Variants in GALNT10 observed in about 807,000 individuals in gnomAD.
GALNT10 encodes polypeptide N-acetylgalactosaminyltransferase 10, also known as GalNAc transferase 10.
A neutral mutation model predicts 75.0 loss-of-function variants in GALNT10; 41 were observed. The observed-to-expected ratio is 0.55, with a 90% confidence interval of 0.43 to 0.71. GALNT10 has a LOEUF of 0.71. GALNT10 is among the 30% of genes least tolerant of loss of function. The probability of loss-of-function intolerance (pLI) is 0.00; values close to 1 mark genes in which losing one functional copy is unlikely to be tolerated. For synonymous variants in GALNT10, 302 were observed against 313.0 expected, an observed-to-expected ratio of 0.96 and a Z score of 0.37; for missense variants, 727 against 818.5, an observed-to-expected ratio of 0.89 and a Z score of 1.36.
At chr5:154,368,458 G>C (rs756671766) in intron 4 of GALNT10, among the ~76,000 whole-genome samples, 6 of 152,146 alleles carry the variant, frequency 3.9e-5, no homozygotes, top group African/African-American at 9.7e-5. Context: ...TTATCAAAAA[G>C]AAGAGGAGGA....
intron 6 of GALNT10, among the ~76,000 whole-genome samples, 156 bp downstream of exon 6, chr5:154,380,787 T>TAGCACCATCCCTCCCAGC (rs1449012975): frequency 6.6e-6 from 1 of 152,072 alleles, no homozygotes; most frequent in Non-Finnish European, 1.5e-5. Flanking sequence ...CCCCAGCCAG[T>TAGCACCATCCCTCCCAGC]AGCACCATCC....
At chr5:154,203,942 AG>A (rs1325848823) in intron 1 of GALNT10, among the ~76,000 whole-genome samples, 3 of 152,230 alleles carry the variant, frequency 2.0e-5, no homozygotes, top group Non-Finnish European at 2.9e-5. Flanking sequence ...TTGTAGTGTG[AG>A]GGTAGCCATA....
At chr5:154,385,221 T>C (rs1755791072) in intron 6 of GALNT10, among the ~76,000 whole-genome samples, 1 of 152,166 alleles carries the variant, frequency 6.6e-6, no homozygotes, top group Non-Finnish European at 1.5e-5. Context: ...TCTGATAGCT[T>C]TTCACACAGC....
At chr5:154,203,670 G>A (rs1000585257) in intron 1 of GALNT10, among the ~76,000 whole-genome samples, 1 of 152,188 alleles carries the variant, frequency 6.6e-6, no homozygotes, top group Non-Finnish European at 1.5e-5. Flanking sequence ...TGGCGTGAAT[G>A]TTATAGTGCC....
intron 4 of GALNT10, among the ~76,000 whole-genome samples, chr5:154,358,189 G>C (rs1755325502): frequency 6.6e-6 from 1 of 152,170 alleles, no homozygotes; most frequent in African/African-American, 2.4e-5. Flanking sequence ...CACAATTGGA[G>C]GCCTCGTCTG....
At chr5:154,296,772 T>G (rs1376738884) in intron 2 of GALNT10, among the ~76,000 whole-genome samples, 1 of 152,192 alleles carries the variant, frequency 6.6e-6, no homozygotes, top group Non-Finnish European at 1.5e-5. Flanking sequence ...CTTCTGAAGC[T>G]TCCCTCCCTG....
chr5:154,224,173 T>TA (rs1753026810), intron 1 of GALNT10, among the ~76,000 whole-genome samples: 1 of 152,174 alleles, frequency 6.6e-6, no homozygotes, highest in Non-Finnish European at 1.5e-5. Context: ...GGAAGTATTA[T>TA]AGAAGGTTGT....
intron 1 of GALNT10, among the ~76,000 whole-genome samples, chr5:154,278,768 G>C (rs1172558949): frequency 6.6e-6 from 1 of 152,100 alleles, no homozygotes; most frequent in Non-Finnish European, 1.5e-5. Flanking sequence ...GCCTATTCTA[G>C]GTACCTCATA....
At chr5:154,237,675 T>G (rs1388874780) in intron 1 of GALNT10, among the ~76,000 whole-genome samples, 1 of 152,254 alleles carries the variant, frequency 6.6e-6, no homozygotes, top group Non-Finnish European at 1.5e-5. Context: ...ACCTTGTTTT[T>G]GAGGAGCCCT....
In GALNT10 at chr5:154,263,564, T is replaced by G. The variant is rs538645116; in HGVS notation, c.160-31252T>G. On this transcript the variant is annotated intron_variant, in intron 1 of 11. Transcript: ENST00000297107. ...CTATATCAAAAGACCACAAACTAGATAGCTTATAAACAACAGAAATTTATT... is the reference window on the plus strand; with the variant it reads ...CTATATCAAAAGACCACAAACTAGAGAGCTTATAAACAACAGAAATTTATT... Among the ~76,000 whole-genome samples, 3 of 152,180 alleles carry G rather than the reference T, an allele frequency of 2.0e-5. No homozygotes were observed. In the East Asian group the frequency reaches 5.8e-4, roughly 29 times the overall value.
At chr5:154,262,983 A>G (rs574750) in intron 1 of GALNT10, among the ~76,000 whole-genome samples, 99,405 of 151,950 alleles carry the variant, frequency 0.65, 32,880 homozygotes, top group East Asian at 0.86. Flanking sequence ...AAAGCAATTT[A>G]GAGACAGACA....
At position 154,403,679 on chromosome 5, in the gene GALNT10, C is replaced by T. The variant is rs1756214071; in HGVS notation, c.1057-425C>T. The T allele has an allele frequency of 1.9e-5, 4 of 206,438 alleles. No homozygotes were observed. The South Asian group carries it at 2.8e-4, about 14-fold the overall frequency. 12.8% of individuals were successfully genotyped at this position (206,438 alleles called of 1,614,324 possible). A position where few individuals can be genotyped will look rare whatever the true frequency, so the allele number is the denominator to read the frequency against. On this transcript the variant is annotated intron_variant, in intron 7 of 11. Transcript: ENST00000297107. Reference sequence around the variant, plus strand: ...GATCCCCCGATGCCACCCTAGAATTCTCAACACAGCACTCCATAGTGGATT... The same window carrying T: ...GATCCCCCGATGCCACCCTAGAATTTTCAACACAGCACTCCATAGTGGATT...
At chr5:154,306,177 C>T in intron 3 of GALNT10, among the ~76,000 whole-genome samples, 1 of 152,034 alleles carries the variant, frequency 6.6e-6, no homozygotes, top group East Asian at 1.9e-4. Flanking sequence ...ACCAATATGA[C>T]CTAATTGACA....
chr5:154,294,360 A>G (rs1262201374), intron 1 of GALNT10, among the ~76,000 whole-genome samples: 1 of 152,186 alleles, frequency 6.6e-6, no homozygotes, highest in Non-Finnish European at 1.5e-5. Flanking sequence ...TAAAAAAAAG[A>G]ATGTAAAATA....
intron 4 of GALNT10, chr5:154,349,777 T>G (rs1342731750): frequency 1.3e-5 from 2 of 152,080 alleles, no homozygotes; most frequent in African/African-American, 4.8e-5. Flanking sequence ...TATGAGTCAG[T>G]GGGAACAGAC....
At position 154,376,335 on chromosome 5, in the gene GALNT10, T is replaced by G; in HGVS notation, c.627T>G (p.Leu209=). The change falls in exon 5 of 12, where the codon CTT becomes CTG. Residue 209 remains leucine (L), a synonymous_variant. Coordinates refer to ENST00000297107, the MANE Select transcript of GALNT10 (RefSeq NM_198321.4). The surrounding 1 kb of genome is among the most constrained non-coding windows in gnomAD (Gnocchi z 4.1). ...CCCTTTTCCCCAGTGTGAGGATTCT[T>G]CGAACCAAGAAACGGGAAGGGCTGA... ...YMALFPSVRI[L]RTKKREGLIR... 1 of 1,612,540 alleles carries G rather than the reference T, an allele frequency of 6.2e-7. No homozygotes were observed. Among genetic ancestry groups the G allele is most frequent in the Non-Finnish European group, 8.5e-7 (1 of 1,179,248 alleles).
intron 1 of GALNT10, among the ~76,000 whole-genome samples, chr5:154,277,300 C>T (rs1753966919): frequency 6.6e-6 from 1 of 151,688 alleles, no homozygotes; most frequent in Non-Finnish European, 1.5e-5. Flanking sequence ...GCATACTAGG[C>T]TGGGTTTGTT....
chr5:154,293,607 A>T (rs1247397311), intron 1 of GALNT10, among the ~76,000 whole-genome samples: 5 of 120,914 alleles, frequency 4.1e-5, no homozygotes, highest in Admixed American at 1.6e-4. Flanking sequence ...ATATATATAT[A>T]TATATATTTT....
chr5:154,203,742 C>T (rs1259701365), intron 1 of GALNT10, among the ~76,000 whole-genome samples: 2 of 152,208 alleles, frequency 1.3e-5, no homozygotes, highest in African/African-American at 2.4e-5. Flanking sequence ...TAGCAGGACA[C>T]TCCCTTGGAT....
Sources: gnomAD v4.1 joint callset for allele counts (sites outside exome capture counted in the v4.1 genomes callset) on GRCh38, gnomAD v4.1.1 for gene constraint, Gnocchi (gnomAD v3.1) non-coding constraint, MANE v1.5 for transcripts, NCBI Gene and HGNC (gene_info 2026-07-23, HGNC 2026-07-21) for gene names.